The following ARFGEF1 variants were observed in gnomAD, a reference collection of about 807,000 sequenced individuals.
ARFGEF1 encodes the protein ARF guanine nucleotide exchange factor 1.
A neutral mutation model predicts 231.0 loss-of-function variants in ARFGEF1; 42 were observed. That is an observed-to-expected ratio of 0.18 (90% confidence interval 0.14 to 0.24). ARFGEF1 has a LOEUF of 0.24. Ranked by LOEUF, ARFGEF1 falls within the 10% of genes least tolerant of loss-of-function variation. The pLI is 1.00. For missense variants in ARFGEF1, 1,345 were observed against 2,192.0 expected, an observed-to-expected ratio of 0.61 and a Z score of 7.72; for synonymous variants, 710 against 732.3, an observed-to-expected ratio of 0.97 and a Z score of 0.49.
At chr8:67,196,136 T>C (rs943609697), downstream of ARFGEF1, 1 of 152,554 alleles carries the variant, frequency 6.6e-6, no homozygotes, top group African/African-American at 2.4e-5. Context: ...TTGTAAGCCA[T>C]ACGTTAAATG....
At chr8:67,289,890 C>T (rs566503948) in intron 6 of ARFGEF1, among the ~76,000 whole-genome samples, 102 of 152,102 alleles carry the variant, frequency 6.7e-4, no homozygotes, top group Non-Finnish European at 1.3e-3. Context: ...ACTAGAGTTT[C>T]AAAGTAACTT....
intron 19 of ARFGEF1, among the ~76,000 whole-genome samples, chr8:67,244,422 C>G (rs1297574272): frequency 7.1e-6 from 1 of 141,566 alleles, no homozygotes; most frequent in East Asian, 2.0e-4. Context: ...AATCCTCCCA[C>G]CTCAGCTTTC....
chr8:67,205,292 CCTG>C (rs1838473140), intron 34 of ARFGEF1, among the ~76,000 whole-genome samples: 1 of 152,148 alleles, frequency 6.6e-6, no homozygotes, highest in African/African-American at 2.4e-5. Flanking sequence ...CCAAAGCTGC[CCTG>C]AGAATCTGGG....
At chr8:67,310,242 C>G (rs890267097) in intron 1 of ARFGEF1, among the ~76,000 whole-genome samples, 1 of 151,638 alleles carries the variant, frequency 6.6e-6, no homozygotes, top group African/African-American at 2.4e-5. Flanking sequence ...CGAGTGCCTG[C>G]GATTGCAGGC....
At chr8:67,334,588 C>A (rs540274625) in intron 1 of ARFGEF1, among the ~76,000 whole-genome samples, 2 of 152,262 alleles carry the variant, frequency 1.3e-5, no homozygotes, top group East Asian at 3.9e-4. Context: ...CTACCTAGGA[C>A]AAATAACAGT....
chr8:67,277,861 C>G (rs1371671217), intron 7 of ARFGEF1, among the ~76,000 whole-genome samples: 1 of 152,096 alleles, frequency 6.6e-6, no homozygotes, highest in African/African-American at 2.4e-5. Context: ...TTTATTGTAG[C>G]CTTTAAGTTG....
chr8:67,192,090 T>TTG (rs1836479046), intron 5 of ARFGEF1, among the ~76,000 whole-genome samples: 1 of 151,448 alleles, frequency 6.6e-6, no homozygotes, highest in African/African-American at 2.4e-5. Context: ...TTTTTTTTTT[T>TTG]GATACAGAGT....
chr8:67,321,146 G>C (rs1030433660), intron 1 of ARFGEF1, among the ~76,000 whole-genome samples: 1 of 149,354 alleles, frequency 6.7e-6, no homozygotes, highest in African/African-American at 2.5e-5. Flanking sequence ...TGTGAGAAAT[G>C]GTGTGACTAT....
At chr8:67,194,761 AAAAGTAAAATACAG>A (rs1837445372), downstream of ARFGEF1, among the ~76,000 whole-genome samples, 1 of 152,132 alleles carries the variant, frequency 6.6e-6, no homozygotes, top group Non-Finnish European at 1.5e-5. Context: ...AATAATAAAT[AAAAGTAAAATACAG>A]ATAGAAGTTG....
intron 7 of ARFGEF1, 119 bp from the exon 8 acceptor site, chr8:67,277,576 A>G (rs1805365443): frequency 5.9e-6 from 5 of 843,456 alleles, no homozygotes; most frequent in Non-Finnish European, 9.1e-6. Flanking sequence ...TAAAATATGT[A>G]TTGGCACCAT....
At position 67,176,367 on chromosome 8, in the gene ARFGEF1, GATAGC is replaced by G. The variant is rs543546472; in HGVS notation, c.561-800_561-796del. 8.5e-5 allele frequency among the ~76,000 whole-genome samples: 13 copies of G among 152,280 alleles called. No individual in the cohort carries two copies. The East Asian group carries it at 2.5e-3, about 29-fold the overall frequency. On this transcript the variant is annotated intron_variant, in intron 5 of 5. Transcript: ENST00000518789. ...TGAGGAAGATTTTTTGACTTCATGA[GATAGC>G]ATCACAGGAGTAAGTGATGCAGCAG...
intron 10 of ARFGEF1, among the ~76,000 whole-genome samples, chr8:67,271,440 A>C (rs1366219232): frequency 1.3e-5 from 2 of 152,216 alleles, no homozygotes; most frequent in African/African-American, 4.8e-5. Context: ...AATTCAAGAG[A>C]GCAAGAACCA....
rs1334784142 is a variant in ARFGEF1 at position 67,236,366 on chromosome 8, ATATATATATATATATATATATAT to A, written c.3289+1954_3289+1976del. On this transcript the variant is annotated intron_variant, in intron 22 of 38. Transcript: ENST00000262215. ...ATATTAGTTAAAAAAAAAAAAAAAA[ATATATATATATATATATATATAT>A]ATATATATATATATATATATATGTA... is the stretch of plus-strand genomic sequence containing the variant. 3.9e-3 allele frequency among the ~76,000 whole-genome samples: 69 copies of A among 17,724 alleles called. 7 individuals carry two copies. The highest frequency in any genetic ancestry group is 0.019 in the Admixed American group (20 of 1,050). The allele number at this position is 17,724 out of a possible 152,430, so 11.6% of individuals were successfully genotyped here.
intron 1 of ARFGEF1, among the ~76,000 whole-genome samples, chr8:67,321,126 G>A (rs1292448374): frequency 6.6e-6 from 1 of 151,182 alleles, no homozygotes; most frequent in Non-Finnish European, 1.5e-5. Flanking sequence ...TGGTTGCCAG[G>A]GGTTAGGTAT....
intron 1 of ARFGEF1, among the ~76,000 whole-genome samples, chr8:67,335,232 A>C (rs1808289894): frequency 6.6e-6 from 1 of 151,126 alleles, no homozygotes. Flanking sequence ...CAGCCTCCCA[A>C]GTAGCTAGGA....
Position 67,296,615 on chromosome 8 carries a change from A to T in ARFGEF1, c.460-5T>A, listed in dbSNP as rs750283771. 4.5e-6 allele frequency: 7 copies of T among 1,569,212 alleles called. No individual in the cohort carries two copies. In the South Asian group the frequency reaches 8.3e-5, roughly 19 times the overall value. ...TGTTACTGCAGTAAGTAAAGCCTTT[A>T]AGAAAAAAAAAGGAAAAAGTTAAAG... On this transcript the variant is annotated splice_region_variant and splice_polypyrimidine_tract_variant and intron_variant, in intron 4 of 38. Coordinates refer to ENST00000262215, the MANE Select transcript of ARFGEF1 (RefSeq NM_006421.5).
rs1444856313 is a variant in ARFGEF1 at position 67,204,746 on chromosome 8, G to A, written c.4893C>T (p.Ile1631=). 1.2e-6 allele frequency: 2 copies of A among 1,613,758 alleles called. No individual in the cohort carries two copies. The highest frequency in any genetic ancestry group is 2.2e-5 in the East Asian group (1 of 44,870). The change falls in exon 35 of 39, where the codon ATC becomes ATT. Residue 1631 remains isoleucine (I), a synonymous_variant. Coordinates refer to ENST00000262215, the MANE Select transcript of ARFGEF1 (RefSeq NM_006421.5). ...CVVQLELIQT[I]DNIVFFPATS... is the part of the protein sequence containing the mutation. Reference sequence around the variant, plus strand: ...TGGCTGGGAAGAAGACAATGTTGTCGATAGTCTGGATGAGTTCCAGCTGCA... The same window carrying A: ...TGGCTGGGAAGAAGACAATGTTGTCAATAGTCTGGATGAGTTCCAGCTGCA...
chr8:67,241,238 TTC>T (rs1839917371), intron 19 of ARFGEF1, among the ~76,000 whole-genome samples: 2 of 152,174 alleles, frequency 1.3e-5, no homozygotes, highest in Admixed American at 6.5e-5. Context: ...AGAACCTAGG[TTC>T]TAGTCTCAGC....
intron 5 of ARFGEF1, among the ~76,000 whole-genome samples, chr8:67,175,764 C>T (rs1831466845): frequency 6.6e-6 from 1 of 152,206 alleles, no homozygotes; most frequent in African/African-American, 2.4e-5. Context: ...TATCAGTGCC[C>T]TGTCATGATG....
Sources: gnomAD v4.1 joint callset for allele counts (sites outside exome capture counted in the v4.1 genomes callset) on GRCh38, gnomAD v4.1.1 for gene constraint, MANE v1.5 for transcripts, NCBI Gene and HGNC (gene_info 2026-07-23, HGNC 2026-07-21) for gene names.